MTMR2: variants seen among roughly 807,000 people sequenced by gnomAD.
The protein encoded by MTMR2 is myotubularin related protein 2.
In MTMR2, 55 loss-of-function variants were observed where a neutral mutation model predicts 86.9. That is an observed-to-expected ratio of 0.63 (90% CI 0.51 to 0.79). The LOEUF (loss-of-function observed/expected upper bound fraction) is 0.79, where lower values mean the gene tolerates loss of function less well. MTMR2 is among the 30% of genes least tolerant of loss of function. The probability of loss-of-function intolerance (pLI) is 0.00; values close to 1 mark genes in which losing one functional copy is unlikely to be tolerated. For synonymous variants in MTMR2, 241 were observed against 266.8 expected, an observed-to-expected ratio of 0.90 and a Z score of 0.94; for missense variants, 659 against 772.3, an observed-to-expected ratio of 0.85 and a Z score of 1.74.
chr11:95,912,011 C>CT (rs1162195810), intron 1 of MTMR2, among the ~76,000 whole-genome samples: 1 of 151,462 alleles, frequency 6.6e-6, no homozygotes, highest in African/African-American at 2.4e-5. Context: ...TAATCTTTCA[C>CT]TACCCTTTCA....
chr11:95,905,328 T>TGCGCGCGC (rs201740423), intron 1 of MTMR2, among the ~76,000 whole-genome samples: 28 of 47,834 alleles, frequency 5.9e-4, no homozygotes, highest in African/African-American at 1.6e-3. Flanking sequence ...CGCACGCACC[T>TGCGCGCGC]GCGCACACAC....
intron 1 of MTMR2, among the ~76,000 whole-genome samples, chr11:95,899,226 T>C (rs1488823858): frequency 1.3e-5 from 2 of 152,058 alleles, no homozygotes; most frequent in African/African-American, 4.8e-5. Context: ...TGGGACACTT[T>C]GGAAACAGAA....
intron 2 of MTMR2, among the ~76,000 whole-genome samples, chr11:95,873,174 T>A (rs908988050): frequency 6.6e-6 from 1 of 152,216 alleles, no homozygotes; most frequent in African/African-American, 2.4e-5. Flanking sequence ...TTGATTGGAA[T>A]AGTTTCAGAA....
intron 1 of MTMR2, among the ~76,000 whole-genome samples, chr11:95,896,641 G>T (rs1225006935): frequency 2.0e-5 from 3 of 152,020 alleles, no homozygotes; most frequent in African/African-American, 7.2e-5. Flanking sequence ...AGAATGATCA[G>T]AAGATTGAAT....
At chr11:95,905,105 G>A (rs545842834) in intron 1 of MTMR2, among the ~76,000 whole-genome samples, 7 of 151,908 alleles carry the variant, frequency 4.6e-5, no homozygotes, top group African/African-American at 1.2e-4. Flanking sequence ...ATACTCTTAC[G>A]GTTTTTCTCC....
At chr11:95,842,875 G>A (rs1863608114) in intron 11 of MTMR2, among the ~76,000 whole-genome samples, 1 of 152,068 alleles carries the variant, frequency 6.6e-6, no homozygotes, top group African/African-American at 2.4e-5. Context: ...TTATGCCAGT[G>A]TACTTAACAA....
chr11:95,858,154 T>C (rs562007996), intron 6 of MTMR2, among the ~76,000 whole-genome samples: 4 of 152,234 alleles, frequency 2.6e-5, no homozygotes, highest in South Asian at 2.1e-4. Context: ...CTAAAGCACA[T>C]AGTGGGAACT....
Position 95,857,135 on chromosome 11 carries a change from T to C in MTMR2, c.654+417A>G, listed in dbSNP as rs149557265. ...AAACCACAATAAATTAGAAATGTTA[T>C]AATTAAAATGCTACGTTTGAAATTT... is the stretch of plus-strand genomic sequence containing the variant. On this transcript the variant is annotated intron_variant, in intron 7 of 14. Transcript: ENST00000346299. Among the ~76,000 whole-genome samples the C allele has an allele frequency of 3.6e-3, 555 of 152,220 alleles. 1 individual carries two copies. The highest frequency in any genetic ancestry group is 0.013 in the African/African-American group (530 of 41,566).
intron 7 of MTMR2, among the ~76,000 whole-genome samples, chr11:95,854,910 T>C (rs1217630636): frequency 3.3e-5 from 5 of 151,908 alleles, no homozygotes; most frequent in Admixed American, 3.3e-4. Flanking sequence ...CAGGGCTCCA[T>C]CAATCCTCCT....
At chr11:95,843,083 T>C (rs1863621169) in intron 11 of MTMR2, among the ~76,000 whole-genome samples, 1 of 152,202 alleles carries the variant, frequency 6.6e-6, no homozygotes, top group Non-Finnish European at 1.5e-5. Context: ...TTAAAGACTT[T>C]TTTTTTTTGA....
chr11:95,868,700 C>T (rs895577023), intron 2 of MTMR2, among the ~76,000 whole-genome samples: 1 of 151,916 alleles, frequency 6.6e-6, no homozygotes, highest in Non-Finnish European at 1.5e-5. Flanking sequence ...CTAGTTGCAT[C>T]TTGGCAAATT....
At chr11:95,849,620 C>T in intron 9 of MTMR2, 54 bp downstream of exon 9, 1 of 1,545,320 alleles carries the variant, frequency 6.5e-7, no homozygotes, top group Non-Finnish European at 8.9e-7. Flanking sequence ...GTGGCCCTGC[C>T]AAACTCAGCT....
chr11:95,915,521 A>G (rs142758240), intron 1 of MTMR2, among the ~76,000 whole-genome samples: 1 of 152,318 alleles, frequency 6.6e-6, no homozygotes, highest in African/African-American at 2.4e-5. Context: ...AAGTTAGGTG[A>G]CAAAAGAATA....
rs566157553 is a variant in MTMR2, at chr11:95,899,681, A to G, written c.81-11420T>C. The stretch of plus-strand genomic sequence containing the variant: ...AGCGCAGAGGAGGAAAGGACTAAAT[A>G]TGACTGGGAAAAGCTGAGGCAAGCT... On this transcript the variant is annotated intron_variant, in intron 1 of 14. Transcript: ENST00000346299. Among the ~76,000 whole-genome samples the G allele has an allele frequency of 2.2e-4, 34 of 152,156 alleles. 2 individuals carry two copies. The East Asian group carries it at 5.2e-3, about 23-fold the overall frequency.
intron 2 of MTMR2, among the ~76,000 whole-genome samples, chr11:95,883,406 A>C (rs1865406441): frequency 6.6e-6 from 1 of 152,200 alleles, no homozygotes; most frequent in Admixed American, 6.5e-5. Flanking sequence ...TTATTTCTTT[A>C]AATTGCATTA....
At chr11:95,906,801 CAG>C (rs1341473838) in intron 1 of MTMR2, among the ~76,000 whole-genome samples, 1 of 152,048 alleles carries the variant, frequency 6.6e-6, no homozygotes, top group African/African-American at 2.4e-5. Flanking sequence ...GAAATTAAGA[CAG>C]AAATCAAGAA....
intron 12 of MTMR2, 70 bp downstream of exon 12, chr11:95,841,547 A>G (rs1863545931): frequency 8.8e-7 from 1 of 1,132,922 alleles, no homozygotes; most frequent in African/African-American, 1.5e-5. Flanking sequence ...CTAATCAGTG[A>G]CCAAATCTCC....
rs146424457 is a variant in MTMR2, at chr11:95,896,394, C to T, written c.81-8133G>A. On this transcript the variant is annotated intron_variant, in intron 1 of 14. Coordinates refer to ENST00000346299, the MANE Select transcript of MTMR2 (RefSeq NM_016156.6). ...GCAACAGTGCAATCATAGCTCTGTG[C>T]AGCCTCAAATTCTTGGACTCAAGTG... Among the ~76,000 whole-genome samples the T allele has an allele frequency of 8.5e-3, 1,294 of 151,642 alleles. 23 individuals carry two copies. Among genetic ancestry groups the T allele is most frequent in the African/African-American group, 0.03 (1,223 of 41,328 alleles).
rs1398525959 is a variant in MTMR2 at position 95,857,547 on chromosome 11, C to T, written c.654+5G>A. 5 of 1,570,778 alleles carry T rather than the reference C, an allele frequency of 3.2e-6. No individual in the cohort carries two copies. Among genetic ancestry groups the T allele is most frequent in the Non-Finnish European group, 1.7e-6 (2 of 1,143,456 alleles). On this transcript the variant is annotated splice_donor_5th_base_variant and intron_variant, in intron 7 of 14. Coordinates refer to ENST00000346299, the MANE Select transcript of MTMR2 (RefSeq NM_016156.6). ...ACTAAAATTGAAAGAGAAGAAAGTA[C>T]ATACCTGCCTTCTATACTCTAAAAG...
Sources: allele counts gnomAD v4.1 joint callset (sites outside exome capture counted in the v4.1 genomes callset), GRCh38; gene constraint gnomAD v4.1.1; transcripts MANE v1.5; gene names NCBI Gene and HGNC (gene_info 2026-07-23, HGNC 2026-07-21).